LIMS1: variants seen among roughly 807,000 people sequenced by gnomAD.
The protein encoded by LIMS1 is LIM zinc finger domain containing 1.
Under a neutral mutation model 44.1 loss-of-function variants are expected in LIMS1, and 18 were observed. The ratio of observed to expected loss-of-function variants is 0.41; its 90% CI spans 0.28 to 0.61. The LOEUF (loss-of-function observed/expected upper bound fraction) is 0.61. LIMS1 is among the 20% of genes least tolerant of loss of function. The probability of loss-of-function intolerance (pLI) is 0.32; values close to 1 mark genes in which losing one functional copy is unlikely to be tolerated. For synonymous variants in LIMS1, 93 were observed against 149.1 expected (o/e 0.62, Z 2.74); for missense variants, 201 against 422.0 (o/e 0.48, Z 4.59).
intron 1 of LIMS1, among the ~76,000 whole-genome samples, chr2:108,597,693 C>CT (rs10693112): frequency 0.037 from 4,019 of 108,498 alleles, 285 homozygotes; most frequent in African/African-American, 0.12. Flanking sequence ...AGCAAAAATG[C>CT]TTTTTTTTTT....
chr2:108,674,488 C>T (rs1212566085), intron 5 of LIMS1, among the ~76,000 whole-genome samples: 1 of 151,450 alleles, frequency 6.6e-6, no homozygotes, highest in Non-Finnish European at 1.5e-5. Context: ...TTTGGGAGGC[C>T]GAGGCGGGTG....
At chr2:108,677,090 C>T (rs988237993) in intron 7 of LIMS1, among the ~76,000 whole-genome samples, 4 of 152,128 alleles carry the variant, frequency 2.6e-5, no homozygotes, top group Non-Finnish European at 5.9e-5. Flanking sequence ...ATATTGATAC[C>T]GTACTCTAAC....
At chr2:108,547,426 G>A (rs1192066932) in intron 1 of LIMS1, among the ~76,000 whole-genome samples, 1 of 152,182 alleles carries the variant, frequency 6.6e-6, no homozygotes, top group Non-Finnish European at 1.5e-5. Flanking sequence ...ACTCTCTTGG[G>A]TGGGATAGTT....
At chr2:108,660,620 G>A (rs1007253122) in intron 2 of LIMS1, 13 of 302,444 alleles carry the variant, frequency 4.3e-5, no homozygotes, top group East Asian at 2.9e-4. Context: ...TCATAGAAAC[G>A]GAGTCTCCCT....
At chr2:108,665,961 A>T in intron 2 of LIMS1, among the ~76,000 whole-genome samples, 1 of 152,066 alleles carries the variant, frequency 6.6e-6, no homozygotes, top group Non-Finnish European at 1.5e-5. Flanking sequence ...GATAGAAAAC[A>T]CAAACCATTT....
chr2:108,641,544 CTT>C (rs1401820206), intron 1 of LIMS1, among the ~76,000 whole-genome samples: 2 of 152,184 alleles, frequency 1.3e-5, no homozygotes, highest in Non-Finnish European at 2.9e-5. Context: ...TTTAGTGACT[CTT>C]CAGTTATTTT....
intron 9 of LIMS1, among the ~76,000 whole-genome samples, chr2:108,682,847 A>T (rs1210677690): frequency 6.6e-6 from 1 of 152,348 alleles, no homozygotes; most frequent in South Asian, 2.1e-4. Flanking sequence ...TTATTTCACA[A>T]ATGCTACCTG....
At chr2:108,613,737 C>A (rs1558810151) in intron 1 of LIMS1, among the ~76,000 whole-genome samples, 1 of 152,136 alleles carries the variant, frequency 6.6e-6, no homozygotes. Flanking sequence ...ACACCAGGTC[C>A]TTCGAAACAT....
intron 1 of LIMS1, among the ~76,000 whole-genome samples, chr2:108,629,581 T>G (rs1688778946): frequency 6.6e-6 from 1 of 152,214 alleles, no homozygotes; most frequent in African/African-American, 2.4e-5. Flanking sequence ...GTTACTGTGT[T>G]TGTTTGACAT....
chr2:108,669,653 AG>A (rs975447707), intron 2 of LIMS1, among the ~76,000 whole-genome samples: 49 of 152,280 alleles, frequency 3.2e-4, no homozygotes, highest in African/African-American at 1.0e-3. Flanking sequence ...CGAAGACTCA[AG>A]GGGAGACATT....
intron 1 of LIMS1, among the ~76,000 whole-genome samples, chr2:108,559,049 A>G (rs1226892021): frequency 6.6e-6 from 1 of 152,198 alleles, no homozygotes; most frequent in Non-Finnish European, 1.5e-5. Context: ...TCCCACCGTT[A>G]GGGCAGGCTG....
At chr2:108,684,862 G>A (rs949081855) in exon 10 of LIMS1, 1 of 152,062 alleles carries the variant, frequency 6.6e-6, no homozygotes, top group Non-Finnish European at 1.5e-5. Context: ...AAAACTGAAT[G>A]TGTATGTCGG....
At chr2:108,612,063 T>TATATACATATA (rs1190967246) in intron 1 of LIMS1, among the ~76,000 whole-genome samples, 2 of 147,138 alleles carry the variant, frequency 1.4e-5, no homozygotes, top group Non-Finnish European at 3.0e-5. Flanking sequence ...CATATATATA[T>TATATACATATA]ATATATACAT....
chr2:108,609,674 C>T (rs1687480163), intron 1 of LIMS1, among the ~76,000 whole-genome samples: 1 of 152,128 alleles, frequency 6.6e-6, no homozygotes. Context: ...AGATATGATA[C>T]TTCAGATCTC....
rs1573383024 is a variant in LIMS1 at position 108,588,843 on chromosome 2, A to G, written c.32+54249A>G. 1.3e-5 allele frequency among the ~76,000 whole-genome samples: 2 copies of G among 152,198 alleles called. No individual in the cohort carries two copies. Among genetic ancestry groups the G allele is most frequent in the Non-Finnish European group, 2.9e-5 (2 of 68,034 alleles). ...TGTAGATGTGTATTTAATTATTGAAATATGTGAAAACTTTGTTTTATTGGT... is the reference window on the plus strand; with the variant it reads ...TGTAGATGTGTATTTAATTATTGAAGTATGTGAAAACTTTGTTTTATTGGT... On this transcript the variant is annotated intron_variant, in intron 1 of 9. Coordinates refer to ENST00000544547, the Ensembl canonical transcript of LIMS1.
chr2:108,551,680 A>G lies in LIMS1; in HGVS notation c.32+17086A>G, dbSNP rs535571458. Among the ~76,000 whole-genome samples, 8 of 146,306 alleles carry G rather than the reference A, an allele frequency of 5.5e-5. No homozygotes were observed. In the Admixed American group the frequency reaches 5.6e-4, roughly 10 times the overall value. The stretch of plus-strand genomic sequence containing the variant: ...TATGTATATACACATATATACATAT[A>G]TACACTGTATACATACACTAGTATA... On this transcript the variant is annotated intron_variant, in intron 1 of 9. Coordinates refer to ENST00000544547, the Ensembl canonical transcript of LIMS1.
intron 1 of LIMS1, among the ~76,000 whole-genome samples, chr2:108,572,736 G>GGTCC (rs1159104897): frequency 6.6e-6 from 1 of 152,146 alleles, no homozygotes; most frequent in Non-Finnish European, 1.5e-5. Flanking sequence ...GAAAGGTGTA[G>GGTCC]GGGACGGTAG....
intron 1 of LIMS1, among the ~76,000 whole-genome samples, chr2:108,584,643 C>T (rs369622352): frequency 5.6e-4 from 85 of 152,088 alleles, no homozygotes; most frequent in African/African-American, 1.9e-3. Flanking sequence ...AGGAGGAGTG[C>T]GGGATCCAGG....
At chr2:108,585,426 G>T (rs540582524) in intron 1 of LIMS1, among the ~76,000 whole-genome samples, 9 of 146,942 alleles carry the variant, frequency 6.1e-5, no homozygotes, top group African/African-American at 2.2e-4. Flanking sequence ...TTTAGGCATG[G>T]TGGGGAGGGG....
Sources: allele counts gnomAD v4.1 joint callset (sites outside exome capture counted in the v4.1 genomes callset), GRCh38; gene constraint gnomAD v4.1.1; transcripts MANE v1.5; gene names NCBI Gene and HGNC (gene_info 2026-07-23, HGNC 2026-07-21).